The following IL33 variants were observed in gnomAD, a reference collection of about 807,000 sequenced individuals.
IL33 encodes the protein interleukin 33, also known as interleukin-33.
In IL33, 37 loss-of-function variants were observed where a neutral mutation model predicts 27.3. The ratio of observed to expected loss-of-function variants is 1.36; its 90% CI spans 1.04 to 1.78. The LOEUF is 1.78. IL33 is among the 40% of genes most tolerant of loss of function. The probability of loss-of-function intolerance (pLI) is 0.00; values close to 1 mark genes in which losing one functional copy is unlikely to be tolerated. For synonymous variants in IL33, 132 were observed against 102.9 expected (o/e 1.28, Z -1.71); for missense variants, 406 against 311.4 (o/e 1.30, Z -2.29).
chr9:6,252,840 A>G, intron 4 of IL33, 26 bp from the exon 5 acceptor site: 1 of 1,591,582 alleles, frequency 6.3e-7, no homozygotes, highest in Non-Finnish European at 8.5e-7. Flanking sequence ...ATTGTGCCTG[A>G]CAAATTTTTG....
intron 1 of IL33, among the ~76,000 whole-genome samples, chr9:6,241,452 T>G (rs147039973): frequency 3.3e-5 from 5 of 152,272 alleles, no homozygotes; most frequent in Middle Eastern, 3.4e-3. Flanking sequence ...CACTATAATC[T>G]TGTGAGACCA....
intron 3 of IL33, among the ~76,000 whole-genome samples, chr9:6,250,819 T>C (rs1315862563): frequency 6.6e-6 from 1 of 152,246 alleles, no homozygotes; most frequent in Non-Finnish European, 1.5e-5. Flanking sequence ...AAACAAAAGA[T>C]ACATAACTAT....
intron 1 of IL33, among the ~76,000 whole-genome samples, chr9:6,231,408 A>G (rs1011304775): frequency 2.6e-5 from 4 of 152,114 alleles, no homozygotes; most frequent in Non-Finnish European, 4.4e-5. Context: ...GCTTCTGTCC[A>G]TCTCAGGGCC....
At chr9:6,250,404 A>G (rs1816278499) in intron 2 of IL33, 70 bp from the exon 3 acceptor site, 1 of 1,544,408 alleles carries the variant, frequency 6.5e-7, no homozygotes, top group Admixed American at 1.8e-5. Flanking sequence ...TTGGTCTGCT[A>G]CACTCAGGAT....
chr9:6,256,164 C>T lies in IL33; in HGVS notation c.809C>T (p.Thr270Ile), dbSNP rs761715817. ...AATATCTTGTTTAAGCTCTCTGAAA[C>T]TTAGTTGATGGAAACCTGTGAGTCT... is the stretch of plus-strand genomic sequence containing the variant. ...TENILFKLSET is the reference protein window; with the variant it reads ...TENILFKLSEI The change falls in exon 8 of 8, where the codon ACT (threonine) becomes ATT (isoleucine). Residue 270 changes from threonine (T) to isoleucine (I), a missense_variant. Transcript: ENST00000682010. 2.5e-6 allele frequency: 4 copies of T among 1,611,628 alleles called. No individual in the cohort carries two copies. Among genetic ancestry groups the T allele is most frequent in the Non-Finnish European group, 8.5e-7 (1 of 1,178,316 alleles).
intron 1 of IL33, among the ~76,000 whole-genome samples, chr9:6,222,950 T>C (rs1014989690): frequency 2.6e-5 from 4 of 152,144 alleles, no homozygotes; most frequent in Non-Finnish European, 5.9e-5. Context: ...CATAAACTAA[T>C]ATGTGGAACG....
chr9:6,251,690 C>T (rs1189108218), intron 4 of IL33, among the ~76,000 whole-genome samples: 1 of 151,806 alleles, frequency 6.6e-6, no homozygotes, highest in East Asian at 1.9e-4. Context: ...TTTATCACTT[C>T]CTTGTATAAG....
At chr9:6,233,332 T>A (rs948097490) in intron 1 of IL33, among the ~76,000 whole-genome samples, 2 of 152,176 alleles carry the variant, frequency 1.3e-5, no homozygotes, top group African/African-American at 4.8e-5. Context: ...TCCCTAGACC[T>A]TAAAACTTCA....
rs1816800575 is a variant in IL33 at position 6,257,428 on chromosome 9, C to T, written c.*1260C>T. 1 of 152,520 alleles carries T rather than the reference C, an allele frequency of 6.6e-6. No individual in the cohort carries two copies. The highest frequency in any genetic ancestry group is 6.6e-5 in the Admixed American group (1 of 15,256). 9.4% of individuals were successfully genotyped at this position (152,520 alleles called of 1,614,324 possible). A position where few individuals can be genotyped will look rare whatever the true frequency, so the allele number is the denominator to read the frequency against. On this transcript the variant is annotated 3_prime_UTR_variant, in exon 8 of 8. Transcript: ENST00000682010. ...TGCCAAAACGTTTATTCTGCTTTGTCTGTTGTAGAATTTTAGATAAAGCTA... is the reference window on the plus strand; with the variant it reads ...TGCCAAAACGTTTATTCTGCTTTGTTTGTTGTAGAATTTTAGATAAAGCTA...
chr9:6,232,878 A>G (rs1464624092), intron 1 of IL33, among the ~76,000 whole-genome samples: 1 of 152,182 alleles, frequency 6.6e-6, no homozygotes, highest in Non-Finnish European at 1.5e-5. Context: ...TCATCATCAG[A>G]ACATCTTTCT....
At chr9:6,216,726 TA>T (rs1480372782) in intron 1 of IL33, among the ~76,000 whole-genome samples, 1 of 152,096 alleles carries the variant, frequency 6.6e-6, no homozygotes, top group Non-Finnish European at 1.5e-5. Flanking sequence ...CCAGCCTGGG[TA>T]ACAAGAGCTA....
intron 1 of IL33, among the ~76,000 whole-genome samples, chr9:6,218,692 CATATATATATATGTTCT>C (rs1564043717): frequency 0.012 from 1,487 of 119,496 alleles, 67 homozygotes; most frequent in South Asian, 0.02. Flanking sequence ...ATATGTTCTC[CATATATATATATGTTCT>C]CCATATATAT....
At chr9:6,234,370 C>T (rs1248934536) in intron 1 of IL33, among the ~76,000 whole-genome samples, 1 of 152,176 alleles carries the variant, frequency 6.6e-6, no homozygotes, top group Non-Finnish European at 1.5e-5. Context: ...ACTGAACTCC[C>T]CACCTGAGTT....
intron 3 of IL33, 78 bp downstream of exon 3, chr9:6,250,677 T>C: frequency 6.7e-7 from 1 of 1,494,384 alleles, no homozygotes. Context: ...AATATGCAAT[T>C]ATTTTTCCTC....
Position 6,236,018 on chromosome 9 carries a change from TACACACACACACACACAC to T in IL33, c.-11-5642_-11-5625del, listed in dbSNP as rs61318432. Among the ~76,000 whole-genome samples the T allele has an allele frequency of 7.9e-5, 11 of 139,792 alleles. No individual in the cohort carries two copies. The South Asian group carries it at 1.2e-3, about 15-fold the overall frequency. 91.7% of individuals were successfully genotyped at this position (139,792 alleles called of 152,430 possible). On this transcript the variant is annotated intron_variant, in intron 1 of 7. Transcript: ENST00000682010. ...ATACACCCACACCCACCCACACCCA[TACACACACACACACACAC>T]ACACACACACACACACACACACAAC...
chr9:6,240,084 T>C (rs7025417), intron 1 of IL33, among the ~76,000 whole-genome samples: 33,647 of 152,130 alleles, frequency 0.22, 4,023 homozygotes, highest in East Asian at 0.47. Context: ...GTCTCAGAAC[T>C]TCAGTACCAG....
chr9:6,219,246 G>A (rs1175624305), intron 1 of IL33, among the ~76,000 whole-genome samples: 1 of 151,876 alleles, frequency 6.6e-6, no homozygotes, highest in Admixed American at 6.6e-5. Context: ...ATGGTAGAAC[G>A]TCTAATCTCT....
intron 1 of IL33, among the ~76,000 whole-genome samples, chr9:6,220,675 C>T (rs1818370329): frequency 6.6e-6 from 1 of 152,148 alleles, no homozygotes; most frequent in South Asian, 2.1e-4. Context: ...TATTTGTCCA[C>T]ATTCTTTAGC....
At position 6,229,122 on chromosome 9, in the gene IL33, A is replaced by ATTT. The variant is rs1818801622; in HGVS notation, c.-11-12562_-11-12561insTTT. Among the ~76,000 whole-genome samples the ATTT allele has an allele frequency of 2.6e-5, 4 of 152,182 alleles. No individual in the cohort carries two copies. The South Asian group carries it at 8.3e-4, about 32-fold the overall frequency. ...AAGGAAATAAATGAGCTAAATGAGGAACCTGTACAGGAGCACAGGAAAGAG... is the reference window on the plus strand; with the variant it reads ...AAGGAAATAAATGAGCTAAATGAGGATTTACCTGTACAGGAGCACAGGAAAGAG... On this transcript the variant is annotated intron_variant, in intron 1 of 7. Transcript: ENST00000682010.
Sources: allele counts gnomAD v4.1 joint callset (sites outside exome capture counted in the v4.1 genomes callset), GRCh38; gene constraint gnomAD v4.1.1; transcripts MANE v1.5; gene names NCBI Gene and HGNC (gene_info 2026-07-23, HGNC 2026-07-21).